The following LCLAT1 variants were observed in gnomAD, a reference collection of about 807,000 sequenced individuals.
The protein encoded by LCLAT1 is lysocardiolipin acyltransferase 1.
In LCLAT1, 11 loss-of-function variants were observed where a neutral mutation model predicts 30.7. The observed-to-expected ratio is 0.36, with a 90% CI of 0.23 to 0.59. The LOEUF (loss-of-function observed/expected upper bound fraction) is 0.59, where lower values mean the gene tolerates loss of function less well. Among genes scored for constraint, LCLAT1 ranks in the 20% least tolerant of loss-of-function variants. The pLI is 0.77. For missense variants in LCLAT1, 402 were observed against 458.6 expected (o/e 0.88, Z 1.13); for synonymous variants, 155 against 151.3 (o/e 1.02, Z -0.18).
At chr2:30,571,504 C>G (rs1405159424) in intron 5 of LCLAT1, among the ~76,000 whole-genome samples, 998 of 152,298 alleles carry the variant, frequency 6.6e-3, no homozygotes, top group African/African-American at 0.023. Flanking sequence ...TTTTTGCTTA[C>G]TGCACAACTA....
intron 3 of LCLAT1, among the ~76,000 whole-genome samples, chr2:30,534,521 G>A (rs920975534): frequency 6.6e-4 from 101 of 152,094 alleles, no homozygotes; most frequent in African/African-American, 2.2e-3. Context: ...CTCGTAAGCC[G>A]CCTGCGTTGG....
chr2:30,547,585 G>A (rs1304500054), intron 3 of LCLAT1, among the ~76,000 whole-genome samples: 1 of 152,020 alleles, frequency 6.6e-6, no homozygotes, highest in Non-Finnish European at 1.5e-5. Flanking sequence ...TCCTTAATAA[G>A]ATGAAAGAAG....
chr2:30,609,299 T>C (rs1275586028), intron 5 of LCLAT1, among the ~76,000 whole-genome samples: 2 of 151,846 alleles, frequency 1.3e-5, no homozygotes, highest in Non-Finnish European at 2.9e-5. Context: ...GAAGTCTGGT[T>C]TTTAAAAACC....
chr2:30,482,498 A>G (rs1241073791), intron 1 of LCLAT1, among the ~76,000 whole-genome samples: 1 of 152,208 alleles, frequency 6.6e-6, no homozygotes, highest in Non-Finnish European at 1.5e-5. Context: ...AAAAGTTAAT[A>G]CGTAACTTCC....
chr2:30,611,120 A>G (rs1029047105), intron 5 of LCLAT1, among the ~76,000 whole-genome samples: 2 of 146,370 alleles, frequency 1.4e-5, no homozygotes, highest in Non-Finnish European at 3.0e-5. Context: ...CAACAGACTC[A>G]TTAGCATTTT....
chr2:30,573,014 C>T (rs1005159979), intron 5 of LCLAT1, among the ~76,000 whole-genome samples: 3 of 152,056 alleles, frequency 2.0e-5, no homozygotes, highest in Admixed American at 2.0e-4. Flanking sequence ...AGCTTGATGA[C>T]TTGATTTTTC....
At chr2:30,617,456 T>TA (rs1668047627) in intron 5 of LCLAT1, among the ~76,000 whole-genome samples, 2 of 152,216 alleles carry the variant, frequency 1.3e-5, no homozygotes, top group South Asian at 4.1e-4. Context: ...CCTGCGTTAT[T>TA]TACAATTTTA....
chr2:30,475,604 T>C (rs1246152432), intron 1 of LCLAT1, among the ~76,000 whole-genome samples: 3 of 152,222 alleles, frequency 2.0e-5, no homozygotes, highest in Admixed American at 6.5e-5. Flanking sequence ...TTTTAATGCA[T>C]GTTTAAATAG....
chr2:30,455,590 T>A lies in LCLAT1; in HGVS notation c.-5+8207T>A, dbSNP rs1681793226. 3.3e-5 allele frequency among the ~76,000 whole-genome samples: 5 copies of A among 152,186 alleles called. 1 individual carries two copies. In the South Asian group the frequency reaches 1.0e-3, roughly 32 times the overall value. ...TCACGTTATGGCCTTCCTTCTCCAC[T>A]TCTGTCTGCAGTTAGATCTTTGTCT... On this transcript the variant is annotated intron_variant, in intron 1 of 5. Coordinates refer to ENST00000379509, the MANE Select transcript of LCLAT1 (RefSeq NM_001002257.3).
chr2:30,492,057 T>C (rs1173247400), intron 1 of LCLAT1, among the ~76,000 whole-genome samples: 1 of 152,212 alleles, frequency 6.6e-6, no homozygotes, highest in East Asian at 1.9e-4. Flanking sequence ...TCCATACATA[T>C]ATTTAAGTAC....
At chr2:30,594,281 T>C (rs575734174) in intron 5 of LCLAT1, among the ~76,000 whole-genome samples, 1 of 152,306 alleles carries the variant, frequency 6.6e-6, no homozygotes, top group East Asian at 1.9e-4. Context: ...CTGATTCATA[T>C]AGTTTTTTCC....
chr2:30,459,384 A>G (rs916552533), intron 1 of LCLAT1, among the ~76,000 whole-genome samples: 34 of 152,144 alleles, frequency 2.2e-4, no homozygotes, highest in Non-Finnish European at 8.8e-5. Context: ...CTTCCTAAGC[A>G]CTATGACCCA....
At chr2:30,503,883 C>G (rs1196851905) in intron 1 of LCLAT1, among the ~76,000 whole-genome samples, 1 of 152,188 alleles carries the variant, frequency 6.6e-6, no homozygotes, top group Non-Finnish European at 1.5e-5. Flanking sequence ...CCTCAAGACT[C>G]AGGCCTTGGT....
Position 30,507,433 on chromosome 2 carries a change from G to A in LCLAT1, c.-4-18154G>A, listed in dbSNP as rs1420848283. Among the ~76,000 whole-genome samples, 4 of 152,240 alleles carry A rather than the reference G, an allele frequency of 2.6e-5. No individual in the cohort carries two copies. In the East Asian group the frequency reaches 7.7e-4, roughly 29 times the overall value. ...GATTATTTTGTCACCCAGGTATTAA[G>A]CCTAGTACCTGTTAGTTATTTTTCC... On this transcript the variant is annotated intron_variant, in intron 1 of 5. Transcript: ENST00000379509.
intron 3 of LCLAT1, among the ~76,000 whole-genome samples, chr2:30,539,832 G>A (rs1664043001): frequency 6.6e-6 from 1 of 152,144 alleles, no homozygotes; most frequent in Non-Finnish European, 1.5e-5. Flanking sequence ...TTATTTAAAG[G>A]TCACAACTGC....
At chr2:30,556,768 G>A (rs1426580950) in intron 3 of LCLAT1, among the ~76,000 whole-genome samples, 8 of 146,024 alleles carry the variant, frequency 5.5e-5, no homozygotes, top group East Asian at 2.0e-4. Flanking sequence ...TTTTTGAGAC[G>A]GAGTTTTGCT....
At chr2:30,491,379 G>A (rs116560932) in intron 1 of LCLAT1, among the ~76,000 whole-genome samples, 1 of 152,156 alleles carries the variant, frequency 6.6e-6, no homozygotes, top group Non-Finnish European at 1.5e-5. Flanking sequence ...CCTAAGGTAG[G>A]TACTGTTGTT....
intron 1 of LCLAT1, among the ~76,000 whole-genome samples, chr2:30,455,744 A>T (rs1286576556): frequency 4.0e-5 from 6 of 150,746 alleles, no homozygotes; most frequent in African/African-American, 1.5e-4. Context: ...CTGACTCTAT[A>T]AAAAAAAATT....
At chr2:30,527,533 A>T (rs1278195791) in intron 2 of LCLAT1, among the ~76,000 whole-genome samples, 3 of 152,214 alleles carry the variant, frequency 2.0e-5, no homozygotes, top group Non-Finnish European at 4.4e-5. Flanking sequence ...CAGTCACTCT[A>T]ATTTTTGGAG....
Sources: gnomAD v4.1 joint callset for allele counts (sites outside exome capture counted in the v4.1 genomes callset) on GRCh38, gnomAD v4.1.1 for gene constraint, MANE v1.5 for transcripts, NCBI Gene and HGNC (gene_info 2026-07-23, HGNC 2026-07-21) for gene names.